The following PDZD2 variants were observed in gnomAD, a reference collection of about 807,000 sequenced individuals.
PDZD2 encodes PDZ domain-containing protein 2.
In PDZD2, 90 loss-of-function variants were observed where a neutral mutation model predicts 220.7. The ratio of observed to expected loss-of-function variants is 0.41; its 90% CI spans 0.34 to 0.49. The LOEUF is 0.49. Among genes scored for constraint, PDZD2 ranks in the 20% least tolerant of loss-of-function variants. PDZD2 has a pLI of 0.28. For synonymous variants in PDZD2, 1,375 were observed against 1,450.5 expected, an observed-to-expected ratio of 0.95 and a Z score of 1.18; for missense variants, 3,174 against 3,608.5, an observed-to-expected ratio of 0.88 and a Z score of 3.08.
intron 2 of PDZD2, among the ~76,000 whole-genome samples, chr5:31,860,579 C>T (rs1737603623): frequency 6.6e-6 from 1 of 152,164 alleles, no homozygotes; most frequent in African/African-American, 2.4e-5. Context: ...TGCCCCAGAA[C>T]CCTCCTCTCA....
intron 24 of PDZD2, among the ~76,000 whole-genome samples, chr5:32,102,819 G>A (rs772802763): frequency 3.3e-5 from 5 of 152,098 alleles, no homozygotes; most frequent in Admixed American, 1.3e-4. Flanking sequence ...GTGTGGTAGC[G>A]CATGCCTGTA....
chr5:31,852,198 G>C lies in PDZD2; in HGVS notation c.476+52474G>C, dbSNP rs1351483534. On this transcript the variant is annotated intron_variant, in intron 2 of 24. Transcript: ENST00000438447. ...TCCCAGCACTTACGTGCCCCAGACT[G>C]AGCTGAGGCAACAAAGATGAGGATG... Among the ~76,000 whole-genome samples, 9 of 152,268 alleles carry C rather than the reference G, an allele frequency of 5.9e-5. No homozygotes were observed. The East Asian group carries it at 1.7e-3, about 29-fold the overall frequency.
At position 32,090,920 on chromosome 5, in the gene PDZD2, C is replaced by A. The variant is rs1743078211; in HGVS notation, c.7472C>A (p.Pro2491His). The stretch of plus-strand genomic sequence containing the variant: ...CAGGAGCTGAGAGCCTTGAGCATGC[C>A]TGACCTTGACAAGCTCTGCAGCGAG... Reference protein sequence around the residue: ...KLQELRALSMPDLDKLCSEDY... With the variant: ...KLQELRALSMHDLDKLCSEDY... The change falls in exon 20 of 25, where the codon CCT becomes CAT. Residue 2491 changes from proline to histidine, a missense_variant. Transcript: ENST00000438447. This position sits in a 1 kb window ranked among gnomAD's most constrained non-coding sequence, Gnocchi z 4.3. The A allele has an allele frequency of 6.2e-7, 1 of 1,613,914 alleles. No homozygotes were observed. Among genetic ancestry groups the A allele is most frequent in the Non-Finnish European group, 8.5e-7 (1 of 1,180,038 alleles).
chr5:32,054,091 T>C (rs1022869557), intron 10 of PDZD2, among the ~76,000 whole-genome samples: 1 of 152,056 alleles, frequency 6.6e-6, no homozygotes, highest in Non-Finnish European at 1.5e-5. Flanking sequence ...CAGGATTACA[T>C]GAGATAATAT....
chr5:31,752,072 TG>T lies in PDZD2; in HGVS notation c.-360-46816del, dbSNP rs1467460588. Among the ~76,000 whole-genome samples the T allele has an allele frequency of 3.2e-3, 337 of 104,382 alleles. 15 individuals are homozygous for T. The highest frequency in any genetic ancestry group is 0.014 in the African/African-American group (309 of 21,904). The allele number at this position is 104,382 out of a possible 152,430, so 68.5% of individuals were successfully genotyped here. Reference sequence around the variant, plus strand: ...TTTGTTTGTTTTATTGTTTTGGGTTTGTTTTTTTTTTTTTTTTTCTGAGACA... The same window carrying T: ...TTTGTTTGTTTTATTGTTTTGGGTTTTTTTTTTTTTTTTTTTTCTGAGACA... On this transcript the variant is annotated intron_variant, in intron 1 of 24. Transcript: ENST00000438447.
At chr5:32,019,537 T>C (rs915984790) in intron 6 of PDZD2, among the ~76,000 whole-genome samples, 2 of 152,220 alleles carry the variant, frequency 1.3e-5, no homozygotes, top group African/African-American at 4.8e-5. Context: ...AGATGATCCC[T>C]TGGGGTGTGG....
At chr5:31,944,735 G>A (rs1305131855) in intron 2 of PDZD2, among the ~76,000 whole-genome samples, 1 of 152,076 alleles carries the variant, frequency 6.6e-6, no homozygotes, top group Non-Finnish European at 1.5e-5. Flanking sequence ...GGGTGGCAGC[G>A]TGTGCACGTG....
In PDZD2 at chr5:32,110,457, G is replaced by GTCT. The variant is rs1745283571; in HGVS notation, c.*2325_*2327dup. The GTCT allele has an allele frequency of 6.6e-6, 1 of 152,604 alleles. No homozygotes were observed. The highest frequency in any genetic ancestry group is 1.5e-5 in the Non-Finnish European group (1 of 68,024). 9.5% of individuals were successfully genotyped at this position (152,604 alleles called of 1,614,324 possible). ...AAGATAGATAGAAAGCTATTTATTT[G>GTCT]TCTTCAGTGTTCAAGGCATGACTAG... On this transcript the variant is annotated 3_prime_UTR_variant, in exon 25 of 25. Transcript: ENST00000438447.
intron 1 of PDZD2, among the ~76,000 whole-genome samples, chr5:31,675,142 G>A (rs1015205882): frequency 6.7e-6 from 1 of 150,062 alleles, no homozygotes; most frequent in African/African-American, 2.5e-5. Flanking sequence ...TCCTCTAAAA[G>A]ATGATAGATA....
chr5:31,802,868 C>A (rs1306050146), intron 2 of PDZD2, among the ~76,000 whole-genome samples: 1 of 137,220 alleles, frequency 7.3e-6, no homozygotes, highest in Non-Finnish European at 1.5e-5. Flanking sequence ...TGCAGTGAGC[C>A]GAGATTGCGC....
intron 2 of PDZD2, among the ~76,000 whole-genome samples, chr5:31,982,640 A>C (rs1278803881): frequency 6.6e-6 from 1 of 152,054 alleles, no homozygotes; most frequent in Non-Finnish European, 1.5e-5. Context: ...ATTACCTGTT[A>C]CCCCTACTCA....
chr5:31,769,965 T>C (rs1479918263), intron 1 of PDZD2, among the ~76,000 whole-genome samples: 1 of 152,230 alleles, frequency 6.6e-6, no homozygotes, highest in African/African-American at 2.4e-5. Context: ...TCTTTGTAAC[T>C]CATCTGTCCT....
At chr5:31,645,622 G>A (rs1012822096) in intron 1 of PDZD2, among the ~76,000 whole-genome samples, 9 of 152,204 alleles carry the variant, frequency 5.9e-5, no homozygotes, top group African/African-American at 1.4e-4. Context: ...GGCGTGAGCC[G>A]CTGTGCCCGG....
chr5:31,728,026 A>G (rs1220435526), intron 1 of PDZD2, among the ~76,000 whole-genome samples: 11 of 145,828 alleles, frequency 7.5e-5, no homozygotes, highest in Non-Finnish European at 1.7e-4. Context: ...AAAAAAGATC[A>G]GGCAGAAGAC....
intron 1 of PDZD2, among the ~76,000 whole-genome samples, chr5:31,694,840 T>C (rs1336944328): frequency 6.6e-6 from 1 of 150,854 alleles, no homozygotes; most frequent in Admixed American, 6.7e-5. Context: ...AGTAAAGGAA[T>C]AGGCTGGGTG....
intron 2 of PDZD2, among the ~76,000 whole-genome samples, chr5:31,961,284 G>T (rs1748196769): frequency 6.6e-6 from 1 of 150,648 alleles, no homozygotes; most frequent in South Asian, 2.1e-4. Flanking sequence ...TAATCCCAGC[G>T]CTTTGGGAGG....
At chr5:32,066,861 C>G (rs1400963567) in intron 14 of PDZD2, among the ~76,000 whole-genome samples, 2 of 152,310 alleles carry the variant, frequency 1.3e-5, no homozygotes, top group East Asian at 1.9e-4. Flanking sequence ...ATTGACCATA[C>G]AGGTTCATCC....
chr5:31,978,447 T>A (rs1374966246), intron 2 of PDZD2, among the ~76,000 whole-genome samples: 1 of 152,092 alleles, frequency 6.6e-6, no homozygotes, highest in African/African-American at 2.4e-5. Flanking sequence ...TGGCCAGGCA[T>A]GGTGGCTCAC....
chr5:31,809,193 T>G (rs1754928263), intron 2 of PDZD2, among the ~76,000 whole-genome samples: 1 of 152,138 alleles, frequency 6.6e-6, no homozygotes, highest in African/African-American at 2.4e-5. Context: ...CTTGCTTTCC[T>G]CACCTCTTGG....
Sources: gnomAD v4.1 joint callset for allele counts (sites outside exome capture counted in the v4.1 genomes callset) on GRCh38, gnomAD v4.1.1 for gene constraint, Gnocchi (gnomAD v3.1) non-coding constraint, MANE v1.5 for transcripts, NCBI Gene and HGNC (gene_info 2026-07-23, HGNC 2026-07-21) for gene names.